ABTB2: variants seen among roughly 807,000 people sequenced by gnomAD.
ABTB2 encodes the protein ankyrin repeat and BTB/POZ domain-containing protein 2.
In ABTB2, 56 loss-of-function variants were observed where a neutral mutation model predicts 104.1. That is an observed-to-expected ratio of 0.54 (90% confidence interval 0.43 to 0.67). The LOEUF (loss-of-function observed/expected upper bound fraction) is 0.67, where lower values mean the gene tolerates loss of function less well. Among genes scored for constraint, ABTB2 ranks in the 30% least tolerant of loss-of-function variants. The pLI is 0.00. For synonymous variants in ABTB2, 606 were observed against 608.2 expected (o/e 1.00, Z 0.05); for missense variants, 1,279 against 1,407.7 (o/e 0.91, Z 1.46).
At chr11:34,260,037 G>C (rs1386651964) in intron 1 of ABTB2, among the ~76,000 whole-genome samples, 2 of 152,132 alleles carry the variant, frequency 1.3e-5, no homozygotes, top group Non-Finnish European at 2.9e-5. Context: ...TCAAACTCCT[G>C]GGCTCAAGCA....
intron 1 of ABTB2, among the ~76,000 whole-genome samples, chr11:34,340,859 G>A (rs535080991): frequency 1.2e-4 from 18 of 152,250 alleles, no homozygotes; most frequent in African/African-American, 4.3e-4. Context: ...AGACCTCCTA[G>A]TTCAAACAAA....
chr11:34,205,546 G>A (rs1853398744), intron 1 of ABTB2, among the ~76,000 whole-genome samples: 1 of 151,924 alleles, frequency 6.6e-6, no homozygotes. Context: ...CCCAACTTTT[G>A]GTAACCACTG....
chr11:34,255,171 C>T (rs1160839399), intron 1 of ABTB2, among the ~76,000 whole-genome samples: 2 of 152,160 alleles, frequency 1.3e-5, no homozygotes, highest in African/African-American at 2.4e-5. Flanking sequence ...CAAGCTGAAT[C>T]GGATTAAGCA....
At chr11:34,323,186 C>T (rs1226544482) in intron 1 of ABTB2, among the ~76,000 whole-genome samples, 1 of 152,124 alleles carries the variant, frequency 6.6e-6, no homozygotes, top group East Asian at 1.9e-4. Flanking sequence ...GAATTACAGG[C>T]GTGAGTCACT....
chr11:34,305,637 C>T (rs1854763182), intron 1 of ABTB2, among the ~76,000 whole-genome samples: 3 of 152,158 alleles, frequency 2.0e-5, no homozygotes, highest in Non-Finnish European at 2.9e-5. Context: ...TGATGATTTC[C>T]ACCTTCAGAG....
At chr11:34,331,510 G>C (rs1334794889) in intron 1 of ABTB2, among the ~76,000 whole-genome samples, 1 of 152,090 alleles carries the variant, frequency 6.6e-6, no homozygotes, top group Non-Finnish European at 1.5e-5. Context: ...TCTAAGTCTG[G>C]GTCCCATGGT....
In ABTB2 at chr11:34,152,328, G is replaced by T; in HGVS notation, c.*59C>A. ...CCAAGAGGGCCTACAACCATACCCC[G>T]ACATGGTGGGCCCTGGCACCTCCAC... On this transcript the variant is annotated 3_prime_UTR_variant, in exon 17 of 17. Transcript: ENST00000435224. 1 of 1,511,250 alleles carries T rather than the reference G, an allele frequency of 6.6e-7. No homozygotes were observed. The highest frequency in any genetic ancestry group is 1.2e-5 in the South Asian group (1 of 80,770). 93.6% of individuals were successfully genotyped at this position (1,511,250 alleles called of 1,614,324 possible).
chr11:34,280,830 G>A (rs1427839911), intron 1 of ABTB2, among the ~76,000 whole-genome samples: 1 of 152,208 alleles, frequency 6.6e-6, no homozygotes, highest in African/African-American at 2.4e-5. Context: ...AATTGGAGGA[G>A]CCAGAACATT....
At chr11:34,222,953 G>GCTTCTTGCTTCTT (rs1853643090) in intron 1 of ABTB2, among the ~76,000 whole-genome samples, 1 of 152,160 alleles carries the variant, frequency 6.6e-6, no homozygotes, top group Non-Finnish European at 1.5e-5. Flanking sequence ...TCTTCTTGCT[G>GCTTCTTGCTTCTT]CCCTGGGCAC....
At chr11:34,215,064 G>C (rs970541368) in intron 1 of ABTB2, among the ~76,000 whole-genome samples, 1 of 152,176 alleles carries the variant, frequency 6.6e-6, no homozygotes, top group African/African-American at 2.4e-5. Context: ...ATCACCAGTG[G>C]GACTTTCTGT....
chr11:34,222,726 T>A (rs773333546), intron 1 of ABTB2, among the ~76,000 whole-genome samples: 10 of 152,256 alleles, frequency 6.6e-5, no homozygotes, highest in Non-Finnish European at 1.3e-4. Context: ...AGAAAGGCAC[T>A]GGAGACCTCG....
chr11:34,152,279 G>C lies in ABTB2; in HGVS notation c.*108C>G, dbSNP rs1349274583. 7.9e-7 allele frequency: 1 copy of C among 1,264,518 alleles called. No individual in the cohort carries two copies. Among genetic ancestry groups the C allele is most frequent in the Non-Finnish European group, 1.1e-6 (1 of 927,764 alleles). The allele number at this position is 1,264,518 out of a possible 1,614,324, so 78.3% of individuals were successfully genotyped here. A position where few individuals can be genotyped will look rare whatever the true frequency, so the allele number is the denominator to read the frequency against. On this transcript the variant is annotated 3_prime_UTR_variant, in exon 17 of 17. Coordinates refer to ENST00000435224, the MANE Select transcript of ABTB2 (RefSeq NM_145804.3). ...AGGGGGGACATCTGGGGGAGGAGGA[G>C]GAAACAGCCCCGTGAACCTGGCTCC... is the stretch of plus-strand genomic sequence containing the variant.
At chr11:34,164,548 G>A in intron 9 of ABTB2, 138 bp downstream of exon 9, 1 of 1,080,500 alleles carries the variant, frequency 9.3e-7, no homozygotes, top group Non-Finnish European at 1.2e-6. Context: ...CATGTTTCTG[G>A]TTTACTAGCA....
chr11:34,196,324 C>T (rs10836160), intron 3 of ABTB2, among the ~76,000 whole-genome samples: 8,692 of 152,240 alleles, frequency 0.057, 482 homozygotes, highest in African/African-American at 0.14. Flanking sequence ...GAGGCCAAGG[C>T]GCGTGGATCA....
chr11:34,234,169 G>A (rs1853810110), intron 1 of ABTB2, among the ~76,000 whole-genome samples: 1 of 152,116 alleles, frequency 6.6e-6, no homozygotes, highest in African/African-American at 2.4e-5. Context: ...CTGTTGGGGT[G>A]GGGGCAAGGG....
At chr11:34,317,401 G>T (rs767410579) in intron 1 of ABTB2, among the ~76,000 whole-genome samples, 1 of 152,100 alleles carries the variant, frequency 6.6e-6, no homozygotes, top group Non-Finnish European at 1.5e-5. Context: ...CCTTGATTGC[G>T]CTCTGCCCAC....
intron 1 of ABTB2, among the ~76,000 whole-genome samples, chr11:34,222,008 G>T (rs182295148): frequency 6.6e-6 from 1 of 152,146 alleles, no homozygotes; most frequent in African/African-American, 2.4e-5. Context: ...TCGCACCATT[G>T]CATTTCCAGC....
At chr11:34,292,470 C>T (rs1854574275) in intron 1 of ABTB2, among the ~76,000 whole-genome samples, 1 of 151,362 alleles carries the variant, frequency 6.6e-6, no homozygotes, top group Non-Finnish European at 1.5e-5. Context: ...CCACTGGTCT[C>T]TACTGTGGTC....
At chr11:34,313,155 T>G (rs770260971) in intron 1 of ABTB2, among the ~76,000 whole-genome samples, 2 of 152,232 alleles carry the variant, frequency 1.3e-5, no homozygotes, top group Non-Finnish European at 2.9e-5. Flanking sequence ...GGAGCCCATG[T>G]GCATTTTCTT....
Sources: gnomAD v4.1 joint callset for allele counts (sites outside exome capture counted in the v4.1 genomes callset) on GRCh38, gnomAD v4.1.1 for gene constraint, MANE v1.5 for transcripts, NCBI Gene and HGNC (gene_info 2026-07-23, HGNC 2026-07-21) for gene names.